The following PTPRZ1 variants were observed in gnomAD, a reference collection of about 807,000 sequenced individuals.
The protein encoded by PTPRZ1 is receptor-type tyrosine-protein phosphatase zeta.
In PTPRZ1, 82 loss-of-function variants were observed where a neutral mutation model predicts 214.1. The observed-to-expected ratio is 0.38, with a 90% CI of 0.32 to 0.46. The LOEUF (loss-of-function observed/expected upper bound fraction) is 0.46. Among genes scored for constraint, PTPRZ1 ranks in the 20% least tolerant of loss-of-function variants. The probability of loss-of-function intolerance (pLI) is 1.00; values close to 1 mark genes in which losing one functional copy is unlikely to be tolerated. For synonymous variants in PTPRZ1, 945 were observed against 987.9 expected, an observed-to-expected ratio of 0.96 and a Z score of 0.81; for missense variants, 2,603 against 2,748.7, an observed-to-expected ratio of 0.95 and a Z score of 1.19.
intron 11 of PTPRZ1, among the ~76,000 whole-genome samples, chr7:122,006,538 G>T (rs1798490951): frequency 6.6e-6 from 1 of 151,944 alleles, no homozygotes; most frequent in South Asian, 2.1e-4. Flanking sequence ...CATAATGGAG[G>T]TATATCTTTA....
At chr7:121,998,327 T>A (rs1260063016) in intron 10 of PTPRZ1, among the ~76,000 whole-genome samples, 1 of 152,180 alleles carries the variant, frequency 6.6e-6, no homozygotes, top group Non-Finnish European at 1.5e-5. Flanking sequence ...TTTTGGATAA[T>A]TAAGAGTTGG....
Position 122,011,934 on chromosome 7 carries a change from T to G in PTPRZ1, c.2888T>G (p.Phe963Cys). 6.2e-7 allele frequency: 1 copy of G among 1,614,226 alleles called. No homozygotes were observed. The highest frequency in any genetic ancestry group is 8.5e-7 in the Non-Finnish European group (1 of 1,180,036). Reference protein sequence around the residue: ...SVGVTYQGSLFSGPSHIPIPK... With the variant: ...SVGVTYQGSLCSGPSHIPIPK... ...GGTGTAACTTATCAGGGTTCCTTAT[T>G]TAGCGGCCCTAGCCATATACCAATA... Residue 963 changes from phenylalanine (F) to cysteine (C), a missense_variant, in exon 12 of 30, where the codon TTT becomes TGT. Physicochemically the swap from Phe to Cys is radical, Grantham distance 205. Coordinates refer to ENST00000393386, the MANE Select transcript of PTPRZ1 (RefSeq NM_002851.3).
chr7:121,989,375 G>GTT (rs11395654), intron 8 of PTPRZ1, among the ~76,000 whole-genome samples: 1,518 of 137,190 alleles, frequency 0.011, 21 homozygotes, highest in Middle Eastern at 0.015. Context: ...TCCTATGAAA[G>GTT]TTTTTTTTTT....
At chr7:121,939,547 A>T (rs1287419269) in intron 2 of PTPRZ1, among the ~76,000 whole-genome samples, 1 of 152,272 alleles carries the variant, frequency 6.6e-6, no homozygotes, top group Non-Finnish European at 1.5e-5. Context: ...TGCATATAAC[A>T]TACTCATATA....
In PTPRZ1 at chr7:122,058,980, T is replaced by A. The variant is rs768681619; in HGVS notation, c.6671+38T>A. On this transcript the variant is annotated intron_variant, in intron 28 of 29. Transcript: ENST00000393386. ...TGTTAGATGGTTTCACACCTGCACA[T>A]TTTCTGGGCATATGTATATTTCTGT... The A allele has an allele frequency of 1.8e-5, 27 of 1,513,716 alleles. No homozygotes were observed. In the African/African-American group the frequency reaches 2.9e-4, roughly 16 times the overall value. The allele number at this position is 1,513,716 out of a possible 1,614,324, so 93.8% of individuals were successfully genotyped here. A position where few individuals can be genotyped will look rare whatever the true frequency, so the allele number is the denominator to read the frequency against.
At chr7:122,052,378 A>G (rs1792214497) in intron 25 of PTPRZ1, among the ~76,000 whole-genome samples, 1 of 152,180 alleles carries the variant, frequency 6.6e-6, no homozygotes, top group South Asian at 2.1e-4. Context: ...CTGGATTTCT[A>G]AAGATACAAT....
intron 6 of PTPRZ1, among the ~76,000 whole-genome samples, chr7:121,981,704 C>A (rs1383070187): frequency 2.0e-5 from 3 of 152,068 alleles, no homozygotes; most frequent in Non-Finnish European, 4.4e-5. Context: ...AAAACTCTAC[C>A]AGTTTTTGGA....
intron 1 of PTPRZ1, among the ~76,000 whole-genome samples, chr7:121,902,767 C>G (rs374461402): frequency 6.6e-6 from 1 of 151,720 alleles, no homozygotes; most frequent in African/African-American, 2.4e-5. Flanking sequence ...TTTCTTTTAC[C>G]TATTACAATC....
chr7:121,985,836 T>C (rs1797750463), intron 8 of PTPRZ1, among the ~76,000 whole-genome samples: 1 of 152,220 alleles, frequency 6.6e-6, no homozygotes, highest in East Asian at 1.9e-4. Context: ...TACCACATTA[T>C]GGTAATTGTC....
intron 1 of PTPRZ1, 124 bp downstream of exon 1, chr7:121,873,681 C>T: frequency 8.3e-7 from 1 of 1,199,176 alleles, no homozygotes. Flanking sequence ...AAGGGACAGC[C>T]AACTGGGCTC....
intron 13 of PTPRZ1, among the ~76,000 whole-genome samples, chr7:122,019,491 A>G (rs1798952225): frequency 6.6e-6 from 1 of 152,200 alleles, no homozygotes; most frequent in Non-Finnish European, 1.5e-5. Context: ...ACCCGTTACT[A>G]TTTAACACAG....
At chr7:121,895,970 G>A (rs1794772686) in intron 1 of PTPRZ1, among the ~76,000 whole-genome samples, 1 of 152,042 alleles carries the variant, frequency 6.6e-6, no homozygotes, top group Non-Finnish European at 1.5e-5. Flanking sequence ...GTGTTACCAG[G>A]CTCCCTAGTC....
intron 27 of PTPRZ1, among the ~76,000 whole-genome samples, chr7:122,057,015 A>G (rs1453349116): frequency 1.3e-5 from 2 of 151,544 alleles, no homozygotes; most frequent in South Asian, 2.1e-4. Flanking sequence ...CCTTTTTTCT[A>G]TTTTACATGC....
At chr7:122,019,979 T>C (rs1243673222) in intron 13 of PTPRZ1, among the ~76,000 whole-genome samples, 1 of 152,128 alleles carries the variant, frequency 6.6e-6, no homozygotes. Flanking sequence ...AACAAAGGCT[T>C]TATGATGATA....
chr7:122,036,458 G>C, intron 17 of PTPRZ1, 142 bp from the exon 18 acceptor site: 1 of 617,136 alleles, frequency 1.6e-6, no homozygotes, highest in Admixed American at 3.1e-5. Context: ...TGCTGTCTCT[G>C]TATCCCCAAA....
At chr7:121,976,425 T>G (rs1216051767) in intron 5 of PTPRZ1, among the ~76,000 whole-genome samples, 157 bp downstream of exon 5, 2 of 152,190 alleles carry the variant, frequency 1.3e-5, no homozygotes, top group Non-Finnish European at 2.9e-5. Flanking sequence ...TTGCCTGGTA[T>G]TTTTAAAAGG....
chr7:121,884,396 T>C (rs1794336396), intron 1 of PTPRZ1, among the ~76,000 whole-genome samples: 1 of 152,232 alleles, frequency 6.6e-6, no homozygotes, highest in Non-Finnish European at 1.5e-5. Flanking sequence ...ATATTTCATA[T>C]ATATGCATTT....
intron 1 of PTPRZ1, among the ~76,000 whole-genome samples, chr7:121,898,232 A>T (rs1031598275): frequency 6.0e-5 from 9 of 148,828 alleles, no homozygotes; most frequent in African/African-American, 2.3e-4. Context: ...TTCAGAGAAG[A>T]TTTCTTTTAA....
In PTPRZ1 at chr7:122,010,817, C is replaced by G; in HGVS notation, c.1771C>G (p.Pro591Ala). The change falls in exon 12 of 30, where the codon CCC (proline) becomes GCC (alanine). Residue 591 changes from proline (P) to alanine (A), a missense_variant. Pro to Ala is a conservative substitution (Grantham distance 27, BLOSUM62 -1). Around this residue, in one of 6 missense-constraint regions of PTPRZ1, gnomAD observed 1,913 missense variants for 1,914.3 expected, o/e 1.00. Transcript: ENST00000393386. ...AGCTGAAGATTCTTCAGGCTCCAGT[C>G]CCGCAACTTCTGCTATCCCATTCAT... ...TGAEDSSGSS[P>A]ATSAIPFISE... The G allele has an allele frequency of 6.2e-7, 1 of 1,614,070 alleles. No individual in the cohort carries two copies. The highest frequency in any genetic ancestry group is 8.5e-7 in the Non-Finnish European group (1 of 1,179,980).
Sources: allele counts gnomAD v4.1 joint callset (sites outside exome capture counted in the v4.1 genomes callset), GRCh38; gene constraint gnomAD v4.1.1; regional missense constraint gnomAD v4.1.1; transcripts MANE v1.5; gene names NCBI Gene and HGNC (gene_info 2026-07-23, HGNC 2026-07-21).